The following CDH8 variants were observed in gnomAD, a reference collection of about 807,000 sequenced individuals.
CDH8 encodes cadherin 8, also known as cadherin-8.
A neutral mutation model predicts 68.1 loss-of-function variants in CDH8; 17 were observed. The ratio of observed to expected loss-of-function variants is 0.25; its 90% CI spans 0.17 to 0.37. The LOEUF is 0.37. Ranked by LOEUF, CDH8 falls within the 10% of genes least tolerant of loss-of-function variation. The probability of loss-of-function intolerance (pLI) is 1.00; values close to 1 mark genes in which losing one functional copy is unlikely to be tolerated. For synonymous variants in CDH8, 372 were observed against 365.1 expected (o/e 1.02, Z -0.21); for missense variants, 763 against 999.3 (o/e 0.76, Z 3.19).
intron 1 of CDH8, among the ~76,000 whole-genome samples, chr16:62,033,269 A>G (rs148917532): frequency 2.0e-4 from 31 of 152,320 alleles, no homozygotes; most frequent in African/African-American, 7.2e-4. Flanking sequence ...ATAAATGAAT[A>G]CTGTGTTGAC....
chr16:61,804,217 T>A (rs1259427455), intron 7 of CDH8, among the ~76,000 whole-genome samples: 1 of 151,234 alleles, frequency 6.6e-6, no homozygotes, highest in African/African-American at 2.5e-5. Flanking sequence ...CCTGAATGAC[T>A]ACTGGGTACG....
At chr16:61,966,151 A>G (rs994020016) in intron 2 of CDH8, among the ~76,000 whole-genome samples, 3 of 152,210 alleles carry the variant, frequency 2.0e-5, no homozygotes, top group Non-Finnish European at 4.4e-5. Context: ...ACAATGTCTT[A>G]GTCTACATAT....
At chr16:61,798,844 T>A (rs2142996442) in intron 7 of CDH8, among the ~76,000 whole-genome samples, 1 of 152,342 alleles carries the variant, frequency 6.6e-6, no homozygotes, top group Middle Eastern at 3.4e-3. Context: ...AATAGTTCTG[T>A]CTTGTTTTCT....
chr16:61,926,120 A>G (rs547958233), intron 2 of CDH8, among the ~76,000 whole-genome samples: 3 of 151,780 alleles, frequency 2.0e-5, no homozygotes, highest in African/African-American at 7.2e-5. Flanking sequence ...TAAGAAGCAG[A>G]ATCATAAAAT....
intron 4 of CDH8, among the ~76,000 whole-genome samples, chr16:61,846,613 G>C (rs567979784): frequency 6.6e-6 from 1 of 152,184 alleles, no homozygotes; most frequent in South Asian, 2.1e-4. Context: ...AGAAAACCGA[G>C]CTCTGGAGTT....
At chr16:61,997,959 A>T (rs969398880) in intron 2 of CDH8, among the ~76,000 whole-genome samples, 1 of 152,228 alleles carries the variant, frequency 6.6e-6, no homozygotes, top group Non-Finnish European at 1.5e-5. Context: ...CTGTACCAAG[A>T]AATACAAATA....
intron 8 of CDH8, among the ~76,000 whole-genome samples, chr16:61,744,010 G>A (rs1959950916): frequency 6.6e-6 from 1 of 152,140 alleles, no homozygotes; most frequent in African/African-American, 2.4e-5. Flanking sequence ...TAATGCTACT[G>A]CTCAGAAGGT....
intron 10 of CDH8, among the ~76,000 whole-genome samples, chr16:61,703,977 A>C (rs775007163): frequency 7.2e-5 from 11 of 152,358 alleles, no homozygotes; most frequent in Middle Eastern, 3.4e-3. Flanking sequence ...GGATGTAAGC[A>C]CATCAAGATA....
At chr16:61,684,384 C>G (rs146825952) in intron 10 of CDH8, among the ~76,000 whole-genome samples, 1 of 151,584 alleles carries the variant, frequency 6.6e-6, no homozygotes, top group Admixed American at 6.6e-5. Context: ...GAAGAAGAAC[C>G]CTGAGAGTTT....
intron 8 of CDH8, chr16:61,743,259 GAAT>G (rs1959924505): frequency 6.6e-6 from 1 of 152,172 alleles, no homozygotes; most frequent in Admixed American, 6.5e-5. Context: ...CGTGTCTGAA[GAAT>G]CTATCACGGG....
chr16:61,986,660 T>C (rs1310403335), intron 2 of CDH8, among the ~76,000 whole-genome samples: 2 of 152,148 alleles, frequency 1.3e-5, no homozygotes, highest in Non-Finnish European at 1.5e-5. Flanking sequence ...GAGGTGATTA[T>C]GTAGAGCAGA....
chr16:61,910,039 C>T (rs1231930749), intron 2 of CDH8, among the ~76,000 whole-genome samples: 1 of 152,068 alleles, frequency 6.6e-6, no homozygotes, highest in Non-Finnish European at 1.5e-5. Context: ...GTTCACAAAT[C>T]TCATTTTTTT....
At position 61,993,823 on chromosome 16, in the gene CDH8, A is replaced by G. The variant is rs1398330381; in HGVS notation, c.252+27329T>C. Among the ~76,000 whole-genome samples the G allele has an allele frequency of 2.0e-5, 3 of 152,204 alleles. No individual in the cohort carries two copies. The East Asian group carries it at 5.8e-4, about 29-fold the overall frequency. ...TCTTCTGTGTACACAAATAAAAAAA[A>G]TTCTGTGAACACTATTCCATATCTT... On this transcript the variant is annotated intron_variant, in intron 2 of 11. Transcript: ENST00000577390.
intron 2 of CDH8, among the ~76,000 whole-genome samples, chr16:61,957,113 A>G (rs1464370289): frequency 6.6e-6 from 1 of 152,150 alleles, no homozygotes; most frequent in Non-Finnish European, 1.5e-5. Flanking sequence ...GTTTTGGCCA[A>G]TTGATTCTTA....
intron 2 of CDH8, among the ~76,000 whole-genome samples, chr16:61,919,021 A>AC (rs1964309876): frequency 6.8e-6 from 1 of 147,618 alleles, no homozygotes; most frequent in Non-Finnish European, 1.5e-5. Flanking sequence ...ACCCCCGAGC[A>AC]GCCTAACTGG....
intron 8 of CDH8, among the ~76,000 whole-genome samples, chr16:61,753,853 A>G (rs138109486): frequency 1.4e-3 from 212 of 152,288 alleles, no homozygotes; most frequent in African/African-American, 4.9e-3. Flanking sequence ...AAAAAGTAAT[A>G]ATAATAAGTA....
At chr16:61,868,152 T>A (rs1429709209) in intron 3 of CDH8, among the ~76,000 whole-genome samples, 2 of 152,214 alleles carry the variant, frequency 1.3e-5, no homozygotes, top group East Asian at 3.9e-4. Context: ...GAATAAAGCC[T>A]GAATTTATAA....
At chr16:61,676,109 T>A in intron 10 of CDH8, among the ~76,000 whole-genome samples, 1 of 148,980 alleles carries the variant, frequency 6.7e-6, no homozygotes, top group South Asian at 2.1e-4. Context: ...ATGACTAGAT[T>A]TAAAAACTTA....
At chr16:61,660,955 C>G (rs954656610) in intron 10 of CDH8, among the ~76,000 whole-genome samples, 2 of 151,666 alleles carry the variant, frequency 1.3e-5, no homozygotes, top group African/African-American at 4.8e-5. Context: ...GCAAATGACC[C>G]CAGATGGTGA....
Sources: allele counts gnomAD v4.1 joint callset (sites outside exome capture counted in the v4.1 genomes callset), GRCh38; gene constraint gnomAD v4.1.1; transcripts MANE v1.5; gene names NCBI Gene and HGNC (gene_info 2026-07-23, HGNC 2026-07-21).